The following PAPLN variants were observed in gnomAD, a reference collection of about 807,000 sequenced individuals.
PAPLN encodes the protein papilin.
PAPLN carries 146 observed loss-of-function variants against 159.0 expected under a neutral mutation model. The observed-to-expected ratio is 0.92, with a 90% confidence interval of 0.80 to 1.05. The LOEUF (loss-of-function observed/expected upper bound fraction) is 1.05. Ranked by LOEUF, PAPLN falls within the 50% of genes least tolerant of loss-of-function variation. PAPLN has a pLI of 0.00. For missense variants in PAPLN, 1,720 were observed against 1,743.9 expected, an observed-to-expected ratio of 0.99 and a Z score of 0.24; for synonymous variants, 734 against 702.9, an observed-to-expected ratio of 1.04 and a Z score of -0.70.
chr14:73,266,448 A>T (rs1318343534), intron 23 of PAPLN, 53 bp from the exon 24 acceptor site: 2 of 1,600,766 alleles, frequency 1.2e-6, no homozygotes, highest in Non-Finnish European at 1.7e-6. Flanking sequence ...ACGGAGCTGG[A>T]GGAGAGGGGA....
chr14:73,251,608 A>C lies in PAPLN; in HGVS notation c.670+42A>C, dbSNP rs769850450. On this transcript the variant is annotated intron_variant, in intron 8 of 26. Transcript: ENST00000644200. ...AGGTCCTAGGCAGGTCTGGGGCTGC[A>C]GGGGGAGGTGCGGCACTGCTCCCTC... The C allele has an allele frequency of 9.3e-6, 15 of 1,613,354 alleles. No homozygotes were observed. The South Asian group carries it at 1.4e-4, about 15-fold the overall frequency.
At chr14:73,272,386 C>A in intron 26 of PAPLN, 109 bp from the exon 27 acceptor site, 1 of 1,088,696 alleles carries the variant, frequency 9.2e-7, no homozygotes, top group Non-Finnish European at 1.3e-6. Flanking sequence ...CGTTTTCAAT[C>A]TGGCAGTTAT....
Position 73,263,805 on chromosome 14 carries a change from C to T in PAPLN, c.2861+23C>T, listed in dbSNP as rs760041781. 9 of 1,590,070 alleles carry T rather than the reference C, an allele frequency of 5.7e-6. No homozygotes were observed. The African/African-American group carries it at 1.2e-4, about 21-fold the overall frequency. On this transcript the variant is annotated intron_variant, in intron 20 of 26. Coordinates refer to ENST00000644200, the MANE Select transcript of PAPLN (RefSeq NM_001365906.3). ...CAGGTGGGTGAGAGTCCCCCCACCT[C>T]CTCTGACAGGTGTGACAGCCCCCCT...
intron 26 of PAPLN, among the ~76,000 whole-genome samples, chr14:73,271,908 C>T (rs1315887566): frequency 2.0e-5 from 3 of 152,142 alleles, no homozygotes; most frequent in East Asian, 3.8e-4. Flanking sequence ...TTAGAGCCAC[C>T]GTTAACAGGA....
In PAPLN at chr14:73,251,733, C is replaced by T; in HGVS notation, c.740C>T (p.Pro247Leu). ...ACCATCGAGGCGGCCCGGGCCCTGC[C>T]AGCAGCCAGCACCATCCTGCATTAC... Reference protein sequence around the residue: ...HWTIEAARALPAASTILHYER... With the variant: ...HWTIEAARALLAASTILHYER... Residue 247 changes from proline (P) to leucine (L), a missense_variant, in exon 9 of 27, where the codon CCA becomes CTA. Pro to Leu is a moderately conservative substitution (Grantham distance 98). Transcript: ENST00000644200. 1 of 1,613,226 alleles carries T rather than the reference C, an allele frequency of 6.2e-7. No individual in the cohort carries two copies. The highest frequency in any genetic ancestry group is 8.5e-7 in the Non-Finnish European group (1 of 1,179,972).
At chr14:73,263,027 G>A (rs1250326343) in intron 19 of PAPLN, 200 bp downstream of exon 19, 2 of 464,548 alleles carry the variant, frequency 4.3e-6, no homozygotes, top group African/African-American at 4.0e-5. Flanking sequence ...AGGCTACTCT[G>A]ATGTCTAATA....
intron 18 of PAPLN, 149 bp from the exon 19 acceptor site, chr14:73,262,201 C>T (rs1886659425): frequency 4.9e-6 from 4 of 809,546 alleles, no homozygotes; most frequent in Admixed American, 2.3e-5. Context: ...ATCCTGGATC[C>T]CAGGGCCAGG....
rs756656538 is a variant in PAPLN, at chr14:73,252,011, G to C, written c.844-7G>C. The stretch of plus-strand genomic sequence containing the variant: ...AGCAGACCCCAACAAGGACTCTCCC[G>C]TGACAGCTCATCAGCCAGGAGCCCA... On this transcript the variant is annotated splice_region_variant and splice_polypyrimidine_tract_variant and intron_variant, in intron 9 of 26. Coordinates refer to ENST00000644200, the MANE Select transcript of PAPLN (RefSeq NM_001365906.3). 1 of 1,603,898 alleles carries C rather than the reference G, an allele frequency of 6.2e-7. No individual in the cohort carries two copies. The highest frequency in any genetic ancestry group is 1.1e-5 in the South Asian group (1 of 89,714).
intron 5 of PAPLN, among the ~76,000 whole-genome samples, chr14:73,248,471 CT>C (rs976345050): frequency 1.3e-5 from 2 of 152,074 alleles, no homozygotes; most frequent in Non-Finnish European, 2.9e-5. Context: ...CCTGTTTGTA[CT>C]TTTGGGTTGT....
intron 6 of PAPLN, among the ~76,000 whole-genome samples, chr14:73,250,335 G>T (rs146475366): frequency 6.6e-6 from 1 of 152,312 alleles, no homozygotes; most frequent in East Asian, 1.9e-4. Flanking sequence ...TACAATAAGA[G>T]AAACCCTCTG....
intron 4 of PAPLN, 55 bp from the exon 5 acceptor site, chr14:73,246,018 T>G (rs994514406): frequency 2.8e-6 from 4 of 1,441,160 alleles, no homozygotes; most frequent in Non-Finnish European, 1.8e-6. Context: ...GGGCGGGAGG[T>G]GGGCGGACCT....
At chr14:73,267,299 G>T (rs139685118) in intron 25 of PAPLN, among the ~76,000 whole-genome samples, 1 of 152,262 alleles carries the variant, frequency 6.6e-6, no homozygotes, top group African/African-American at 2.4e-5. Context: ...TTTTACCCTA[G>T]ATCAATTGGT....
chr14:73,268,003 C>T (rs1887387411), intron 25 of PAPLN, among the ~76,000 whole-genome samples: 1 of 152,056 alleles, frequency 6.6e-6, no homozygotes, highest in Non-Finnish European at 1.5e-5. Flanking sequence ...AGGACACTGT[C>T]CTGGCCAAGG....
chr14:73,253,900 C>T lies in PAPLN; in HGVS notation c.1241C>T (p.Pro414Leu). 2.5e-6 allele frequency: 4 copies of T among 1,613,370 alleles called. 1 individual carries two copies. Among genetic ancestry groups the T allele is most frequent in the Non-Finnish European group, 2.5e-6 (3 of 1,179,930 alleles). ...AECAGLPGKP[P>L]AIQACNLQRC... ...TGTGCCGGGCTGCCTGGGAAGCCCC[C>T]TGCCATTCAGGCCTGTAACCTGCAG... The change falls in exon 12 of 27, where the codon CCT becomes CTT. Residue 414 changes from proline to leucine, a missense_variant. Coordinates refer to ENST00000644200, the MANE Select transcript of PAPLN (RefSeq NM_001365906.3).
intron 5 of PAPLN, among the ~76,000 whole-genome samples, chr14:73,249,530 C>T (rs139532071): frequency 0.015 from 2,254 of 152,014 alleles, 54 homozygotes; most frequent in African/African-American, 0.05. Context: ...AAAACTTAGC[C>T]GGGTGTGGTG....
chr14:73,267,003 TA>T (rs1594832968), intron 25 of PAPLN, among the ~76,000 whole-genome samples, 172 bp downstream of exon 25: 1 of 152,284 alleles, frequency 6.6e-6, no homozygotes, highest in East Asian at 1.9e-4. Flanking sequence ...CAAAGCTCTG[TA>T]GGGCCACTGG....
At chr14:73,253,614 C>G in intron 11 of PAPLN, 140 bp from the exon 12 acceptor site, 1 of 806,288 alleles carries the variant, frequency 1.2e-6, no homozygotes, top group Non-Finnish European at 1.9e-6. Context: ...GGGTCGTAGC[C>G]TTTGTTCAGG....
intron 6 of PAPLN, 76 bp downstream of exon 6, chr14:73,250,190 C>T: frequency 2.1e-6 from 3 of 1,458,936 alleles, no homozygotes; most frequent in Non-Finnish European, 2.7e-6. Context: ...GTCCATCACC[C>T]ATAGGCCCAG....
chr14:73,251,602 G>A (rs751470593), intron 8 of PAPLN, 36 bp downstream of exon 8: 1 of 1,613,362 alleles, frequency 6.2e-7, no homozygotes, highest in Admixed American at 1.7e-5. Context: ...GCAGGTCTGG[G>A]GCTGCAGGGG....
Sources: allele counts gnomAD v4.1 joint callset (sites outside exome capture counted in the v4.1 genomes callset), GRCh38; gene constraint gnomAD v4.1.1; transcripts MANE v1.5; gene names NCBI Gene and HGNC (gene_info 2026-07-23, HGNC 2026-07-21).